The following UACA variants were observed in gnomAD, a reference collection of about 807,000 sequenced individuals.
The protein encoded by UACA is nuclear membrane binding protein.
A neutral mutation model predicts 160.5 loss-of-function variants in UACA; 112 were observed. The observed-to-expected ratio is 0.70, with a 90% CI of 0.60 to 0.82. The LOEUF (loss-of-function observed/expected upper bound fraction) is 0.82. Ranked by LOEUF, UACA falls within the 40% of genes least tolerant of loss-of-function variation. The pLI is 0.00. For missense variants in UACA, 1,574 were observed against 1,614.6 expected, an observed-to-expected ratio of 0.97 and a Z score of 0.43; for synonymous variants, 557 against 568.4, an observed-to-expected ratio of 0.98 and a Z score of 0.29.
chr15:70,763,733 G>A, upstream of UACA: 1 of 293,940 alleles, frequency 3.4e-6, no homozygotes, highest in Non-Finnish European at 5.9e-6. Flanking sequence ...CCGGGAAGGG[G>A]CGGAGGAGGT....
At chr15:70,702,830 A>G (rs1189590631) in intron 1 of UACA, among the ~76,000 whole-genome samples, 1 of 152,238 alleles carries the variant, frequency 6.6e-6, no homozygotes, top group Non-Finnish European at 1.5e-5. Flanking sequence ...GAGAAGAGCC[A>G]GAGGCACTGC....
Position 70,667,534 on chromosome 15 carries a change from G to A in UACA, c.3150C>T (p.Leu1050=), listed in dbSNP as rs1384497021. Residue 1050 remains leucine (L), a synonymous_variant, in exon 16 of 19, where the codon CTC becomes CTT. Coordinates refer to ENST00000322954, the MANE Select transcript of UACA (RefSeq NM_018003.4). Reference sequence around the variant, plus strand: ...TTTCCATTTCATGAGACTTCTCAATGAGAACTGTCTTATCTCTCAAATCTT... The same window carrying A: ...TTTCCATTTCATGAGACTTCTCAATAAGAACTGTCTTATCTCTCAAATCTT... ...LQKDLRDKTV[L]IEKSHEMERA... 1 of 1,612,758 alleles carries A rather than the reference G, an allele frequency of 6.2e-7. No homozygotes were observed. The highest frequency in any genetic ancestry group is 1.7e-5 in the Admixed American group (1 of 59,896).
intron 1 of UACA, among the ~76,000 whole-genome samples, chr15:70,740,348 TCACA>T (rs1899490843): frequency 6.6e-6 from 1 of 152,078 alleles, no homozygotes; most frequent in Non-Finnish European, 1.5e-5. Flanking sequence ...GCACAGTGGC[TCACA>T]CCTGTAATCC....
chr15:70,667,299 C>T lies in UACA; in HGVS notation c.3385G>A (p.Glu1129Lys), dbSNP rs753497715. 1 of 1,611,264 alleles carries T rather than the reference C, an allele frequency of 6.2e-7. No individual in the cohort carries two copies. ...CTCTTCAGTTCTTCCTTTAGATTTT[C>T]AATTGTGCCATTAAGAGATTTTTTC... ...ALKKSLNGTI[E>K]NLKEELKSMQ... Residue 1129 changes from glutamate to lysine, a missense_variant, in exon 16 of 19, where the codon GAA (glutamate) becomes AAA (lysine). Coordinates refer to ENST00000322954, the MANE Select transcript of UACA (RefSeq NM_018003.4).
intron 3 of UACA, 53 bp downstream of exon 3, chr15:70,694,964 A>G: frequency 1.5e-6 from 2 of 1,368,116 alleles, no homozygotes; most frequent in South Asian, 2.5e-5. Flanking sequence ...TTAGCAGTGG[A>G]CAATGTTTGT....
intron 1 of UACA, among the ~76,000 whole-genome samples, chr15:70,762,193 A>G (rs1052048158): frequency 3.3e-5 from 5 of 152,204 alleles, no homozygotes; most frequent in African/African-American, 1.2e-4. Context: ...TAGTTCCTCC[A>G]CAATTTCCTT....
chr15:70,681,913 G>A (rs1177257936), intron 9 of UACA: 1 of 152,200 alleles, frequency 6.6e-6, no homozygotes, highest in African/African-American at 2.4e-5. Context: ...TCAGATTCAG[G>A]TGAGAGGTAC....
In UACA at chr15:70,669,032, ACTTTCAAGT is replaced by A; in HGVS notation, c.1643_1651del (p.Asp548_Lys550del). On this transcript the variant is annotated inframe_deletion, in exon 16 of 19. Coordinates refer to ENST00000322954, the MANE Select transcript of UACA (RefSeq NM_018003.4). ...TTCTGCTGAAGCACCTTCATATTTT[ACTTTCAAGT>A]CTTTCAACTGATCCTTCAGTTCCTC... is the stretch of plus-strand genomic sequence containing the variant. 1.2e-6 allele frequency: 2 copies of A among 1,613,870 alleles called. No homozygotes were observed. Among genetic ancestry groups the A allele is most frequent in the Non-Finnish European group, 1.7e-6 (2 of 1,179,992 alleles).
rs753064074 is a variant in UACA at position 70,678,058 on chromosome 15, T to C, written c.999+41A>G. On this transcript the variant is annotated intron_variant, in intron 11 of 18. Coordinates refer to ENST00000322954, the MANE Select transcript of UACA (RefSeq NM_018003.4). ...AATCATTAACAATTTGCTATTGATA[T>C]AGTAAGACAGTTTATTTTTCTATTA... 27 of 1,410,350 alleles carry C rather than the reference T, an allele frequency of 1.9e-5. No individual in the cohort carries two copies. The East Asian group carries it at 3.5e-4, about 18-fold the overall frequency. The allele number at this position is 1,410,350 out of a possible 1,614,324, so 87.4% of individuals were successfully genotyped here.
Position 70,667,826 on chromosome 15 carries a change from T to A in UACA, c.2858A>T (p.Tyr953Phe). The A allele has an allele frequency of 6.2e-7, 1 of 1,613,912 alleles. No homozygotes were observed. The highest frequency in any genetic ancestry group is 1.7e-5 in the Admixed American group (1 of 59,956). The change falls in exon 16 of 19, where the codon TAC (tyrosine) becomes TTC (phenylalanine). Residue 953 changes from tyrosine to phenylalanine, a missense_variant. Coordinates refer to ENST00000322954, the MANE Select transcript of UACA (RefSeq NM_018003.4). ...QDSNAEILAN[Y>F]RKGQEEIVTL... ...CACAATCTCTTCTTGGCCTTTTCTGTAGTTGGCCAAGATTTCAGCATTACT... is the reference window on the plus strand; with the variant it reads ...CACAATCTCTTCTTGGCCTTTTCTGAAGTTGGCCAAGATTTCAGCATTACT...
intron 1 of UACA, among the ~76,000 whole-genome samples, chr15:70,740,764 G>A (rs559219280): frequency 9.9e-5 from 15 of 151,344 alleles, no homozygotes; most frequent in Middle Eastern, 3.4e-3. Context: ...TGGGCTGGCC[G>A]GGCGCGGTGG....
chr15:70,739,658 C>T (rs2141001030), intron 1 of UACA, among the ~76,000 whole-genome samples: 1 of 152,134 alleles, frequency 6.6e-6, no homozygotes, highest in South Asian at 2.1e-4. Context: ...ATTCCTAGGC[C>T]ACTCTCAATT....
upstream of UACA, among the ~76,000 whole-genome samples, chr15:70,765,125 C>T (rs952469660): frequency 2.6e-5 from 4 of 152,208 alleles, no homozygotes; most frequent in Non-Finnish European, 4.4e-5. Context: ...GCGAATTACT[C>T]TTCAGCCCAT....
At chr15:70,751,341 GAA>G (rs1002489001) in intron 1 of UACA, among the ~76,000 whole-genome samples, 1 of 152,158 alleles carries the variant, frequency 6.6e-6, no homozygotes, top group Non-Finnish European at 1.5e-5. Context: ...GTGGACTTTT[GAA>G]GATCTAGGCT....
intron 1 of UACA, among the ~76,000 whole-genome samples, chr15:70,745,513 TATC>T (rs1899680759): frequency 1.3e-5 from 2 of 150,606 alleles, no homozygotes; most frequent in Non-Finnish European, 3.0e-5. Flanking sequence ...GAAGAATCAA[TATC>T]ATGAAAATAG....
chr15:70,673,756 C>A (rs1897216223), intron 13 of UACA, among the ~76,000 whole-genome samples: 1 of 152,152 alleles, frequency 6.6e-6, no homozygotes, highest in Non-Finnish European at 1.5e-5. Context: ...ATACATAACT[C>A]GTAACAGTAA....
chr15:70,687,346 C>T (rs1897761323), intron 7 of UACA, among the ~76,000 whole-genome samples, 194 bp downstream of exon 7: 1 of 152,138 alleles, frequency 6.6e-6, no homozygotes. Flanking sequence ...TCCTCTATTT[C>T]CCTCTCCTTC....
At chr15:70,727,518 A>C (rs1160357142) in intron 1 of UACA, among the ~76,000 whole-genome samples, 5 of 152,212 alleles carry the variant, frequency 3.3e-5, no homozygotes, top group Non-Finnish European at 2.9e-5. Flanking sequence ...ATTTTTATTA[A>C]CTTTACTGTC....
At chr15:70,707,640 C>G (rs1163097300) in intron 1 of UACA, among the ~76,000 whole-genome samples, 1 of 151,588 alleles carries the variant, frequency 6.6e-6, no homozygotes. Flanking sequence ...AGATAATATA[C>G]AAATAGCCAA....
Sources: allele counts gnomAD v4.1 joint callset (sites outside exome capture counted in the v4.1 genomes callset), GRCh38; gene constraint gnomAD v4.1.1; transcripts MANE v1.5; gene names NCBI Gene and HGNC (gene_info 2026-07-23, HGNC 2026-07-21).